The following RALB variants were observed in gnomAD, a reference collection of about 807,000 sequenced individuals.
RALB encodes RAS like proto-oncogene B.
Under a neutral mutation model 21.3 loss-of-function variants are expected in RALB, and 16 were observed. The observed-to-expected ratio is 0.75, with a 90% CI of 0.51 to 1.14. The LOEUF (loss-of-function observed/expected upper bound fraction) is 1.14. RALB is among the 50% of genes most tolerant of loss of function. The pLI, the probability that RALB is intolerant of heterozygous loss-of-function variation, is 0.00. For synonymous variants in RALB, 93 were observed against 96.1 expected, an observed-to-expected ratio of 0.97 and a Z score of 0.19; for missense variants, 161 against 256.2, an observed-to-expected ratio of 0.63 and a Z score of 2.54.
chr2:120,269,065 C>T (rs567120891), intron 1 of RALB, among the ~76,000 whole-genome samples: 1 of 152,318 alleles, frequency 6.6e-6, no homozygotes, highest in African/African-American at 2.4e-5. Context: ...GTACATATAG[C>T]ACTTCTCCAT....
intron 1 of RALB, among the ~76,000 whole-genome samples, chr2:120,242,257 G>C (rs888130339): frequency 4.6e-5 from 7 of 152,366 alleles, no homozygotes; most frequent in Middle Eastern, 3.4e-3. Context: ...GCTGGGGGCA[G>C]AGGAGGGAAG....
chr2:120,242,505 C>T (rs1281249209), intron 1 of RALB, among the ~76,000 whole-genome samples: 2 of 152,038 alleles, frequency 1.3e-5, no homozygotes, highest in South Asian at 2.1e-4. Flanking sequence ...GAGGCTGAGG[C>T]GGGTTGATCA....
At chr2:120,252,483 C>T (rs1159389496), upstream of RALB, among the ~76,000 whole-genome samples, 3 of 152,246 alleles carry the variant, frequency 2.0e-5, no homozygotes, top group Non-Finnish European at 4.4e-5. Flanking sequence ...CTTTTGCTTT[C>T]CATTACTTCG....
chr2:120,249,449 A>G (rs1301033914), upstream of RALB, among the ~76,000 whole-genome samples: 2 of 152,220 alleles, frequency 1.3e-5, no homozygotes, highest in Non-Finnish European at 2.9e-5. Flanking sequence ...GAGGCATAGC[A>G]CTGGCATCTG....
At chr2:120,261,207 A>G (rs184879511) in intron 1 of RALB, among the ~76,000 whole-genome samples, 10 of 152,354 alleles carry the variant, frequency 6.6e-5, no homozygotes, top group East Asian at 5.8e-4. Context: ...TGAAGATTCA[A>G]TAGAACGTGT....
At position 120,278,923 on chromosome 2, in the gene RALB, G is replaced by A. The variant is rs1334925190; in HGVS notation, c.114+145G>A. On this transcript the variant is annotated intron_variant, in intron 2 of 4. Transcript: ENST00000272519. The stretch of plus-strand genomic sequence containing the variant: ...AGGTGGCTTCTGAATAGCTTCCTAG[G>A]AAGGTCTAATCAGCATAAGATCTGG... 7.1e-5 allele frequency: 46 copies of A among 651,860 alleles called. No homozygotes were observed. The East Asian group carries it at 1.5e-3, about 21-fold the overall frequency. The allele number at this position is 651,860 out of a possible 1,614,324, so 40.4% of individuals were successfully genotyped here. A position where few individuals can be genotyped will look rare whatever the true frequency, so the allele number is the denominator to read the frequency against.
chr2:120,251,203 C>T (rs1275467625), upstream of RALB, among the ~76,000 whole-genome samples: 2 of 152,186 alleles, frequency 1.3e-5, no homozygotes, highest in African/African-American at 4.8e-5. Flanking sequence ...AGCTGCTCTC[C>T]TCTCTATACT....
At chr2:120,290,909 A>C (rs1690290444) in intron 4 of RALB, among the ~76,000 whole-genome samples, 1 of 152,230 alleles carries the variant, frequency 6.6e-6, no homozygotes, top group Non-Finnish European at 1.5e-5. Flanking sequence ...TGTAGAATCT[A>C]AGCACATAGC....
intron 1 of RALB, chr2:120,253,784 G>T (rs1689123098): frequency 1.1e-6 from 1 of 904,114 alleles, no homozygotes; most frequent in African/African-American, 1.8e-5. Flanking sequence ...TGAATTGGCC[G>T]TGGAAGAGAC....
At chr2:120,288,077 T>C (rs1690209689) in intron 3 of RALB, among the ~76,000 whole-genome samples, 3 of 152,342 alleles carry the variant, frequency 2.0e-5, no homozygotes, top group Admixed American at 2.0e-4. Context: ...CAGAACTTGG[T>C]ACTCCCATTT....
intron 1 of RALB, among the ~76,000 whole-genome samples, chr2:120,245,879 GTTC>G (rs1044413699): frequency 1.3e-5 from 2 of 152,176 alleles, no homozygotes; most frequent in African/African-American, 4.8e-5. Context: ...GTCTGCCAGA[GTTC>G]TTCTTAGCCA....
chr2:120,262,551 T>G (rs1042452065), intron 1 of RALB, among the ~76,000 whole-genome samples: 17 of 152,172 alleles, frequency 1.1e-4, no homozygotes, highest in African/African-American at 4.1e-4. Context: ...TGGTGGTGAC[T>G]GTTCAGGACA....
intron 1 of RALB, among the ~76,000 whole-genome samples, chr2:120,243,015 T>G (rs1186969705): frequency 1.3e-5 from 2 of 152,236 alleles, no homozygotes; most frequent in African/African-American, 4.8e-5. Context: ...TTATGTAATC[T>G]TTCCATCAAC....
chr2:120,274,655 C>T (rs1376751432), intron 1 of RALB, among the ~76,000 whole-genome samples: 2 of 152,098 alleles, frequency 1.3e-5, no homozygotes, highest in Non-Finnish European at 2.9e-5. Flanking sequence ...TAGTGAGTAT[C>T]TCTGGGTGGT....
At chr2:120,253,301 C>G (rs368128609) in intron 1 of RALB, 7 of 794,348 alleles carry the variant, frequency 8.8e-6, no homozygotes, top group South Asian at 1.1e-4. Flanking sequence ...CCGCGGGCCT[C>G]CCGCTCGGGA....
At chr2:120,281,414 G>C (rs1050094926) in intron 2 of RALB, among the ~76,000 whole-genome samples, 2 of 152,178 alleles carry the variant, frequency 1.3e-5, no homozygotes, top group African/African-American at 4.8e-5. Flanking sequence ...GAGATCGCTG[G>C]AGTACTCATC....
intron 2 of RALB, among the ~76,000 whole-genome samples, chr2:120,279,502 A>G (rs536905052): frequency 4.6e-5 from 7 of 152,240 alleles, no homozygotes; most frequent in Non-Finnish European, 8.8e-5. Context: ...AAAACATGCA[A>G]TGTAACAACT....
intron 1 of RALB, among the ~76,000 whole-genome samples, chr2:120,263,998 G>A (rs557888683): frequency 1.2e-4 from 18 of 149,242 alleles, no homozygotes; most frequent in Admixed American, 5.3e-4. Flanking sequence ...ACAGATGCAC[G>A]CCACCACGCC....
upstream of RALB, among the ~76,000 whole-genome samples, chr2:120,252,095 G>A (rs1370602179): frequency 6.6e-6 from 1 of 152,186 alleles, no homozygotes; most frequent in Non-Finnish European, 1.5e-5. Context: ...ACTCTCATGA[G>A]GTCTGCGTAG....
Sources: allele counts gnomAD v4.1 joint callset (sites outside exome capture counted in the v4.1 genomes callset), GRCh38; gene constraint gnomAD v4.1.1; transcripts MANE v1.5; gene names NCBI Gene and HGNC (gene_info 2026-07-23, HGNC 2026-07-21).